Variants in VMP1 observed in about 807,000 individuals in gnomAD.
The protein encoded by VMP1 is vacuole membrane protein 1.
Under a neutral mutation model 56.0 loss-of-function variants are expected in VMP1, and 11 were observed. The observed-to-expected ratio is 0.20, with a 90% CI of 0.12 to 0.32. VMP1 has a LOEUF of 0.32. Among genes scored for constraint, VMP1 ranks in the 10% least tolerant of loss-of-function variants. The pLI is 1.00. For missense variants in VMP1, 296 were observed against 490.3 expected, an observed-to-expected ratio of 0.60 and a Z score of 3.74; for synonymous variants, 149 against 165.0, an observed-to-expected ratio of 0.90 and a Z score of 0.74.
At chr17:59,831,760 T>C (rs1381843335) in intron 10 of VMP1, among the ~76,000 whole-genome samples, 2 of 149,512 alleles carry the variant, frequency 1.3e-5, no homozygotes, top group Admixed American at 6.8e-5. Context: ...GTCTGTGTTT[T>C]TTTCTTTAAA....
chr17:59,766,440 G>A (rs1400882586), intron 6 of VMP1, among the ~76,000 whole-genome samples: 3 of 152,124 alleles, frequency 2.0e-5, no homozygotes, highest in Non-Finnish European at 4.4e-5. Flanking sequence ...GGAAGTAGGG[G>A]TTGCAGTGAA....
At chr17:59,818,198 T>G (rs1330785598) in intron 10 of VMP1, among the ~76,000 whole-genome samples, 2 of 151,932 alleles carry the variant, frequency 1.3e-5, no homozygotes. Context: ...TACATAAAAT[T>G]TTAGTATTTT....
In VMP1 at chr17:59,824,514, A is replaced by G. The variant is rs192097995; in HGVS notation, c.974+6741A>G. ...CTTGAACCCGGGAGGTGGAGAATGC[A>G]GTGAGCCAAGATCGTGCCAGTGCAC... On this transcript the variant is annotated intron_variant, in intron 10 of 11. Transcript: ENST00000262291. Among the ~76,000 whole-genome samples the G allele has an allele frequency of 2.7e-3, 413 of 150,450 alleles. 4 individuals carry two copies. Among genetic ancestry groups the G allele is most frequent in the African/African-American group, 7.6e-3 (312 of 41,022 alleles).
chr17:59,835,135 GT>G (rs201740467), intron 10 of VMP1, among the ~76,000 whole-genome samples: 23 of 144,080 alleles, frequency 1.6e-4, no homozygotes, highest in Non-Finnish European at 1.5e-4. Flanking sequence ...TTTTTTGTTT[GT>G]TTTTTTTTTT....
At chr17:59,713,693 T>C (rs1049714348) in intron 1 of VMP1, among the ~76,000 whole-genome samples, 1 of 149,872 alleles carries the variant, frequency 6.7e-6, no homozygotes, top group Admixed American at 6.6e-5. Flanking sequence ...CTTTTTTTTT[T>C]TTTTTTTTTG....
intron 5 of VMP1, among the ~76,000 whole-genome samples, chr17:59,763,089 T>C (rs998212757): frequency 6.6e-6 from 1 of 152,122 alleles, no homozygotes; most frequent in Non-Finnish European, 1.5e-5. Flanking sequence ...TTTTCACTTA[T>C]TGGCATTCAT....
intron 10 of VMP1, among the ~76,000 whole-genome samples, chr17:59,826,493 A>G (rs562991773): frequency 2.0e-5 from 3 of 152,350 alleles, no homozygotes; most frequent in East Asian, 3.9e-4. Flanking sequence ...TAATTCATTC[A>G]TTAAATAGGA....
At chr17:59,792,574 A>T (rs963173295) in intron 7 of VMP1, among the ~76,000 whole-genome samples, 1 of 151,974 alleles carries the variant, frequency 6.6e-6, no homozygotes, top group African/African-American at 2.4e-5. Context: ...CTAAATAATT[A>T]TCAGATGAGG....
intron 5 of VMP1, 140 bp from the exon 6 acceptor site, chr17:59,764,831 A>G (rs1020197831): frequency 1.0e-5 from 6 of 576,312 alleles, no homozygotes; most frequent in Non-Finnish European, 1.3e-5. Flanking sequence ...TACTAACTGC[A>G]TCTTGAAATT....
chr17:59,762,335 C>A (rs1187956402), intron 5 of VMP1, among the ~76,000 whole-genome samples: 1 of 152,026 alleles, frequency 6.6e-6, no homozygotes, highest in Non-Finnish European at 1.5e-5. Context: ...TGGGTCTTTA[C>A]CCTCTTGTTT....
chr17:59,794,987 G>C (rs931605225), intron 7 of VMP1, among the ~76,000 whole-genome samples: 2 of 129,892 alleles, frequency 1.5e-5, no homozygotes, highest in Non-Finnish European at 3.2e-5. Context: ...CTAAAAGGCA[G>C]ATTTGATCTT....
intron 10 of VMP1, among the ~76,000 whole-genome samples, chr17:59,826,183 C>A (rs765538149): frequency 3.7e-4 from 57 of 152,254 alleles, no homozygotes; most frequent in South Asian, 2.7e-3. Flanking sequence ...TCTTCTTGTC[C>A]GTGGTAGTTT....
chr17:59,761,834 G>A (rs1231109998), intron 5 of VMP1, among the ~76,000 whole-genome samples: 1 of 151,854 alleles, frequency 6.6e-6, no homozygotes, highest in East Asian at 1.9e-4. Flanking sequence ...TCTCTGTGTA[G>A]CTTTCTCTTT....
intron 1 of VMP1, among the ~76,000 whole-genome samples, chr17:59,720,470 T>C (rs769173849): frequency 5.3e-5 from 8 of 152,204 alleles, no homozygotes; most frequent in African/African-American, 7.2e-5. Context: ...ACCAGTTACA[T>C]AGGCTTTTGT....
At chr17:59,740,102 G>T (rs952909104) in intron 5 of VMP1, among the ~76,000 whole-genome samples, 22 of 151,600 alleles carry the variant, frequency 1.5e-4, no homozygotes, top group Non-Finnish European at 2.9e-4. Flanking sequence ...AAAAGAAAAA[G>T]AAATAAGAGA....
At chr17:59,812,725 G>T (rs570675939) in intron 9 of VMP1, among the ~76,000 whole-genome samples, 1 of 152,112 alleles carries the variant, frequency 6.6e-6, no homozygotes, top group South Asian at 2.1e-4. Context: ...GAGGTCAGGA[G>T]ATCGAGACCA....
At chr17:59,723,221 T>C (rs1289602062) in intron 1 of VMP1, among the ~76,000 whole-genome samples, 1 of 152,216 alleles carries the variant, frequency 6.6e-6, no homozygotes, top group Non-Finnish European at 1.5e-5. Context: ...TAAAGCACTT[T>C]CATAAAGCAG....
intron 1 of VMP1, among the ~76,000 whole-genome samples, chr17:59,725,120 G>T (rs2034552599): frequency 6.6e-6 from 1 of 152,168 alleles, no homozygotes; most frequent in Admixed American, 6.5e-5. Context: ...TTGTGCCACT[G>T]CACTCCAGCC....
At chr17:59,748,222 T>G (rs927663043) in intron 5 of VMP1, among the ~76,000 whole-genome samples, 3 of 150,928 alleles carry the variant, frequency 2.0e-5, no homozygotes, top group Non-Finnish European at 4.4e-5. Context: ...AAAAAACCTT[T>G]CCTTTCGTTT....
Sources: allele counts gnomAD v4.1 joint callset (sites outside exome capture counted in the v4.1 genomes callset), GRCh38; gene constraint gnomAD v4.1.1; transcripts MANE v1.5; gene names NCBI Gene and HGNC (gene_info 2026-07-23, HGNC 2026-07-21).